The following FAM168A variants were observed in gnomAD, a reference collection of about 807,000 sequenced individuals.
FAM168A encodes the protein protein FAM168A.
Under a neutral mutation model 28.5 loss-of-function variants are expected in FAM168A, and 3 were observed. That is an observed-to-expected ratio of 0.11 (90% confidence interval 0.05 to 0.27). The LOEUF (loss-of-function observed/expected upper bound fraction) is 0.27. Ranked by LOEUF, FAM168A falls within the 10% of genes least tolerant of loss-of-function variation. The pLI, the probability that FAM168A is intolerant of heterozygous loss-of-function variation, is 1.00. For synonymous variants in FAM168A, 122 were observed against 124.2 expected (o/e 0.98, Z 0.12); for missense variants, 222 against 311.5 (o/e 0.71, Z 2.16).
At chr11:73,417,941 G>A (rs548283446) in intron 4 of FAM168A, among the ~76,000 whole-genome samples, 4 of 152,180 alleles carry the variant, frequency 2.6e-5, no homozygotes, top group East Asian at 1.9e-4. Context: ...ACCTTTTTCC[G>A]GCTGTGCTGC....
At chr11:73,518,544 C>A (rs1056334870) in intron 1 of FAM168A, among the ~76,000 whole-genome samples, 1 of 150,456 alleles carries the variant, frequency 6.6e-6, no homozygotes, top group East Asian at 2.0e-4. Context: ...GGGGAGGGGG[C>A]GTGGAATTGT....
chr11:73,589,443 T>C (rs368093403), intron 1 of FAM168A, among the ~76,000 whole-genome samples: 1 of 149,904 alleles, frequency 6.7e-6, no homozygotes, highest in African/African-American at 2.5e-5. Flanking sequence ...GGAAGAAAAA[T>C]TGACTTGGGC....
chr11:73,591,672 GATA>G (rs2134748476), intron 1 of FAM168A, among the ~76,000 whole-genome samples: 1 of 152,280 alleles, frequency 6.6e-6, no homozygotes, highest in East Asian at 1.9e-4. Flanking sequence ...ACCACATCCA[GATA>G]ATATTTTTGT....
chr11:73,431,496 T>C (rs1866993280), intron 2 of FAM168A, among the ~76,000 whole-genome samples: 1 of 151,444 alleles, frequency 6.6e-6, no homozygotes, highest in Non-Finnish European at 1.5e-5. Context: ...GATGGCTTTC[T>C]ACACATTTTT....
chr11:73,547,162 C>A (rs192588200), intron 1 of FAM168A, among the ~76,000 whole-genome samples: 10 of 122,002 alleles, frequency 8.2e-5, no homozygotes, highest in Non-Finnish European at 8.5e-5. Flanking sequence ...GAGGAAAAGG[C>A]GGGGGGGAGG....
At chr11:73,423,413 T>C (rs768045541) in intron 3 of FAM168A, among the ~76,000 whole-genome samples, 2 of 152,238 alleles carry the variant, frequency 1.3e-5, no homozygotes, top group African/African-American at 2.4e-5. Context: ...TTTGAACTCC[T>C]GTGTAGCATT....
chr11:73,507,889 T>G lies in FAM168A; in HGVS notation c.-18-39397A>C, dbSNP rs1855145558. On this transcript the variant is annotated intron_variant, in intron 1 of 7. Coordinates refer to ENST00000356467, the MANE Select transcript of FAM168A (RefSeq NM_015159.3). ...GCTAACTGCAGGACTTGGGTATGTG[T>G]AGATCTGGGTATTCACAGGGGATCT... Among the ~76,000 whole-genome samples the G allele has an allele frequency of 2.6e-5, 4 of 152,120 alleles. No homozygotes were observed. The South Asian group carries it at 6.2e-4, about 24-fold the overall frequency.
chr11:73,409,764 GC>G (rs1482068254), intron 5 of FAM168A, 103 bp from the exon 6 acceptor site: 1 of 1,211,800 alleles, frequency 8.3e-7, no homozygotes, highest in African/African-American at 1.5e-5. Context: ...CCCAGCTGGG[GC>G]TCTGCTTGTC....
At chr11:73,475,466 T>C (rs937817150) in intron 1 of FAM168A, among the ~76,000 whole-genome samples, 5 of 152,044 alleles carry the variant, frequency 3.3e-5, no homozygotes, top group Non-Finnish European at 7.4e-5. Flanking sequence ...ATAGATACTG[T>C]TGGGAAAGGA....
chr11:73,449,880 C>A (rs545594102), intron 2 of FAM168A, among the ~76,000 whole-genome samples: 1 of 152,290 alleles, frequency 6.6e-6, no homozygotes, highest in East Asian at 1.9e-4. Context: ...TAAACAAGAC[C>A]AAGGACTACT....
chr11:73,529,395 A>G (rs1453142840), intron 1 of FAM168A, among the ~76,000 whole-genome samples: 1 of 152,142 alleles, frequency 6.6e-6, no homozygotes, highest in African/African-American at 2.4e-5. Flanking sequence ...GGATTTTAAA[A>G]ATGGGCTCCA....
rs145189809 is a variant in FAM168A, at chr11:73,456,586, A to G, written c.70+11819T>C. 1.9e-3 allele frequency among the ~76,000 whole-genome samples: 290 copies of G among 152,370 alleles called. 14 individuals are homozygous for G. The East Asian group carries it at 0.054, about 28-fold the overall frequency. On this transcript the variant is annotated intron_variant, in intron 2 of 7. Coordinates refer to ENST00000356467, the MANE Select transcript of FAM168A (RefSeq NM_015159.3). ...CTTACTCGATACTTTCTTTTATGCAATGCTAACAAACTACATGACACTGAC... is the reference window on the plus strand; with the variant it reads ...CTTACTCGATACTTTCTTTTATGCAGTGCTAACAAACTACATGACACTGAC...
At chr11:73,595,849 C>G (rs1287190181) in intron 1 of FAM168A, among the ~76,000 whole-genome samples, 3 of 152,202 alleles carry the variant, frequency 2.0e-5, no homozygotes, top group African/African-American at 7.2e-5. Context: ...AAAATTCAAT[C>G]TTTAGAAATA....
intron 1 of FAM168A, among the ~76,000 whole-genome samples, chr11:73,540,168 T>C (rs1381690391): frequency 2.6e-5 from 4 of 152,192 alleles, no homozygotes; most frequent in East Asian, 3.8e-4. Context: ...ATAAGAACTT[T>C]AAGATCTACT....
intron 3 of FAM168A, among the ~76,000 whole-genome samples, chr11:73,422,787 CGA>C (rs34383017): frequency 0.21 from 31,664 of 151,388 alleles, 5,145 homozygotes; most frequent in African/African-American, 0.46. Flanking sequence ...CTCAATTAAA[CGA>C]GAGAGAGAGA....
In FAM168A at chr11:73,520,172, A is replaced by C. The variant is rs550058821; in HGVS notation, c.-18-51680T>G. Among the ~76,000 whole-genome samples, 6 of 151,942 alleles carry C rather than the reference A, an allele frequency of 3.9e-5. No individual in the cohort carries two copies. The East Asian group carries it at 1.2e-3, about 29-fold the overall frequency. The stretch of plus-strand genomic sequence containing the variant: ...GCAATTCTCCTGCCTCAGCTTCCTA[A>C]GTAGCTGGGACTACAGGCGTGCACC... On this transcript the variant is annotated intron_variant, in intron 1 of 7. Coordinates refer to ENST00000356467, the MANE Select transcript of FAM168A (RefSeq NM_015159.3).
chr11:73,422,486 C>T (rs945399702), intron 3 of FAM168A, among the ~76,000 whole-genome samples: 1 of 152,136 alleles, frequency 6.6e-6, no homozygotes, highest in African/African-American at 2.4e-5. Flanking sequence ...ACCATGTGAT[C>T]CAGCTCCTCC....
intron 2 of FAM168A, among the ~76,000 whole-genome samples, chr11:73,450,680 C>T (rs1363274807): frequency 2.0e-5 from 3 of 150,420 alleles, no homozygotes; most frequent in Middle Eastern, 6.8e-3. Flanking sequence ...CCCCTCCCCC[C>T]AAATCTAAAC....
intron 7 of FAM168A, 143 bp downstream of exon 7, chr11:73,407,370 G>C (rs1866524750): frequency 1.9e-6 from 1 of 525,932 alleles, no homozygotes; most frequent in Non-Finnish European, 3.3e-6. Flanking sequence ...TGATATTATG[G>C]ACCTTGGAGC....
Sources: gnomAD v4.1 joint callset for allele counts (sites outside exome capture counted in the v4.1 genomes callset) on GRCh38, gnomAD v4.1.1 for gene constraint, MANE v1.5 for transcripts, NCBI Gene and HGNC (gene_info 2026-07-23, HGNC 2026-07-21) for gene names.